PLD1: variants seen among roughly 807,000 people sequenced by gnomAD.
PLD1 encodes phospholipase D1.
PLD1 carries 112 observed loss-of-function variants against 137.1 expected under a neutral mutation model. The ratio of observed to expected loss-of-function variants is 0.82; its 90% CI spans 0.70 to 0.96. PLD1 has a LOEUF of 0.96. Among genes scored for constraint, PLD1 ranks in the 40% least tolerant of loss-of-function variants. The probability of loss-of-function intolerance (pLI) is 0.00; values close to 1 mark genes in which losing one functional copy is unlikely to be tolerated. For missense variants in PLD1, 1,321 were observed against 1,342.0 expected (o/e 0.98, Z 0.24); for synonymous variants, 431 against 454.7 (o/e 0.95, Z 0.66).
intron 18 of PLD1, among the ~76,000 whole-genome samples, chr3:171,676,408 G>A (rs934690900): frequency 5.9e-5 from 9 of 151,844 alleles, no homozygotes; most frequent in Admixed American, 3.9e-4. Flanking sequence ...AATGACTACC[G>A]AGCCCAGGCT....
Position 171,688,273 on chromosome 3 carries a change from C to G in PLD1, c.1539+403G>C, listed in dbSNP as rs193258223. 8.5e-5 allele frequency among the ~76,000 whole-genome samples: 13 copies of G among 152,304 alleles called. No homozygotes were observed. The East Asian group carries it at 2.1e-3, about 25-fold the overall frequency. Reference sequence around the variant, plus strand: ...ACTGACCTATCCTGTTTTTGTATATCTTTAAGTAGGAACTTTCCAAAAACT... The same window carrying G: ...ACTGACCTATCCTGTTTTTGTATATGTTTAAGTAGGAACTTTCCAAAAACT... On this transcript the variant is annotated intron_variant, in intron 14 of 26. Coordinates refer to ENST00000351298, the MANE Select transcript of PLD1 (RefSeq NM_002662.5).
At chr3:171,734,342 T>C (rs1177377604) in intron 5 of PLD1, among the ~76,000 whole-genome samples, 1 of 152,176 alleles carries the variant, frequency 6.6e-6, no homozygotes, top group Non-Finnish European at 1.5e-5. Context: ...TTGTCCACAC[T>C]CTGCAGCACC....
intron 23 of PLD1, among the ~76,000 whole-genome samples, chr3:171,621,495 T>TC (rs1733626691): frequency 6.6e-6 from 1 of 152,224 alleles, no homozygotes; most frequent in Non-Finnish European, 1.5e-5. Flanking sequence ...TACTGAAGTT[T>TC]CCATTTATTA....
intron 23 of PLD1, 73 bp downstream of exon 23, chr3:171,642,767 A>G (rs1349244249): frequency 1.2e-6 from 1 of 822,528 alleles, no homozygotes; most frequent in East Asian, 2.6e-5. Flanking sequence ...CACACTGTGA[A>G]AACATTAATG....
intron 1 of PLD1, chr3:171,809,877 C>G (rs1409740721): frequency 6.6e-6 from 1 of 152,396 alleles, no homozygotes; most frequent in Admixed American, 6.5e-5. Flanking sequence ...GCGGGAGCCG[C>G]GGTCAGCAGC....
At chr3:171,640,975 C>T (rs940248961) in intron 23 of PLD1, among the ~76,000 whole-genome samples, 1 of 152,176 alleles carries the variant, frequency 6.6e-6, no homozygotes, top group African/African-American at 2.4e-5. Flanking sequence ...TCTACTTGCA[C>T]TGAGCAAGGT....
chr3:171,664,980 A>G (rs1040938269), intron 19 of PLD1, among the ~76,000 whole-genome samples: 1 of 152,210 alleles, frequency 6.6e-6, no homozygotes, highest in African/African-American at 2.4e-5. Flanking sequence ...CACCTCTGTA[A>G]AAAGTTATAG....
At chr3:171,651,318 C>T (rs1286922655) in intron 21 of PLD1, among the ~76,000 whole-genome samples, 3 of 119,568 alleles carry the variant, frequency 2.5e-5, no homozygotes, top group African/African-American at 1.2e-4. Flanking sequence ...GTGGTTAGGG[C>T]TTAGGGTGTG....
intron 23 of PLD1, among the ~76,000 whole-genome samples, chr3:171,641,392 A>G (rs748117733): frequency 6.6e-6 from 1 of 152,178 alleles, no homozygotes; most frequent in Non-Finnish European, 1.5e-5. Context: ...TTCCTCTGCC[A>G]TTCCTGCTGA....
At chr3:171,800,891 G>T (rs148656164) in intron 1 of PLD1, among the ~76,000 whole-genome samples, 1 of 152,206 alleles carries the variant, frequency 6.6e-6, no homozygotes, top group Non-Finnish European at 1.5e-5. Context: ...CATTGATAAG[G>T]GCAGAGCCAC....
In PLD1 at chr3:171,687,574, A is replaced by G. The variant is rs1193050133; in HGVS notation, c.1550T>C (p.Met517Thr). ...PSLGSLPPAA[M>T]ESMESLRLKD... is the part of the protein sequence containing the mutation. ...GAGTCTTAAGGATTCCATAGACTCC[A>G]TTGCGGCAGGCTGAGAAAAATTTTT... Residue 517 changes from methionine (M) to threonine (T), a missense_variant, in exon 15 of 27, where the codon ATG becomes ACG. Transcript: ENST00000351298. 15 of 1,611,758 alleles carry G rather than the reference A, an allele frequency of 9.3e-6. No homozygotes were observed. The highest frequency in any genetic ancestry group is 1.2e-5 in the Non-Finnish European group (14 of 1,179,170).
intron 10 of PLD1, 99 bp from the exon 11 acceptor site, chr3:171,708,937 C>A: frequency 2.9e-6 from 2 of 686,488 alleles, no homozygotes; most frequent in Non-Finnish European, 2.5e-6. Context: ...TGCCTAGAGT[C>A]TCCACATAAC....
intron 1 of PLD1, among the ~76,000 whole-genome samples, chr3:171,800,913 C>A (rs768302856): frequency 6.6e-6 from 1 of 152,236 alleles, no homozygotes; most frequent in Non-Finnish European, 1.5e-5. Flanking sequence ...ATGGCCTAAT[C>A]ATCTCCTAAA....
At chr3:171,704,457 G>GAAAAAAAAAAAAAAAAAAAAAAAA in intron 11 of PLD1, among the ~76,000 whole-genome samples, 1 of 98,178 alleles carries the variant, frequency 1.0e-5, no homozygotes, top group Admixed American at 1.1e-4. Flanking sequence ...CAAAGAACCA[G>GAAAAAAAAAAAAAAAAAAAAAAAA]GAAAAAAAAA....
Position 171,612,305 on chromosome 3 carries a change from G to A in PLD1, c.2856C>T (p.Ala952=). 6.2e-7 allele frequency: 1 copy of A among 1,614,078 alleles called. No homozygotes were observed. The highest frequency in any genetic ancestry group is 1.7e-5 in the Admixed American group (1 of 60,014). ...TAAAGCACTGTAGCCGAAGTCCTCG[G>A]GCAAACCGGCCAGCTTGGTACTCTT... The part of the protein sequence containing the change: ...DGKEYQAGRF[A]RGLRLQCFRV... The change falls in exon 25 of 27, where the codon GCC becomes GCT. Residue 952 remains alanine, a synonymous_variant. Coordinates refer to ENST00000351298, the MANE Select transcript of PLD1 (RefSeq NM_002662.5). This position sits in a 1 kb window ranked among gnomAD's most constrained non-coding sequence, Gnocchi z 4.1.
At chr3:171,726,140 C>T (rs950849096) in intron 6 of PLD1, 64 bp from the exon 7 acceptor site, 3 of 1,049,420 alleles carry the variant, frequency 2.9e-6, no homozygotes, top group Admixed American at 3.4e-5. Flanking sequence ...CATTAAAAAA[C>T]ATGTATTAGG....
At chr3:171,663,745 G>C (rs190956999) in intron 19 of PLD1, among the ~76,000 whole-genome samples, 1 of 152,272 alleles carries the variant, frequency 6.6e-6, no homozygotes, top group East Asian at 1.9e-4. Context: ...ATGACACACA[G>C]AAGAATTAGT....
chr3:171,605,894 G>A (rs1477939944), intron 25 of PLD1, among the ~76,000 whole-genome samples: 13 of 152,198 alleles, frequency 8.5e-5, no homozygotes, highest in Admixed American at 8.5e-4. Flanking sequence ...TGTGCTATTT[G>A]GAAAGAGCAA....
At chr3:171,689,305 T>C (rs1048617618) in intron 13 of PLD1, among the ~76,000 whole-genome samples, 1 of 152,214 alleles carries the variant, frequency 6.6e-6, no homozygotes, top group Non-Finnish European at 1.5e-5. Flanking sequence ...TGAATTGAAA[T>C]ATTAAGCATA....
Sources: allele counts gnomAD v4.1 joint callset (sites outside exome capture counted in the v4.1 genomes callset), GRCh38; gene constraint gnomAD v4.1.1; non-coding constraint Gnocchi (gnomAD v3.1); transcripts MANE v1.5; gene names NCBI Gene and HGNC (gene_info 2026-07-23, HGNC 2026-07-21).